The following PCDH15 variants were observed in gnomAD, a reference collection of about 807,000 sequenced individuals.
The protein encoded by PCDH15 is protocadherin-15.
Under a neutral mutation model 178.5 loss-of-function variants are expected in PCDH15, and 129 were observed. That is an observed-to-expected ratio of 0.72 (90% CI 0.63 to 0.84). The LOEUF (loss-of-function observed/expected upper bound fraction) is 0.84, where lower values mean the gene tolerates loss of function less well. Among genes scored for constraint, PCDH15 ranks in the 40% least tolerant of loss-of-function variants. The pLI, the probability that PCDH15 is intolerant of heterozygous loss-of-function variation, is 0.00. For missense variants in PCDH15, 2,230 were observed against 2,099.9 expected (o/e 1.06, Z -1.21); for synonymous variants, 800 against 732.0 (o/e 1.09, Z -1.50).
intron 1 of PCDH15, among the ~76,000 whole-genome samples, chr10:54,707,333 T>C (rs1285107918): frequency 6.6e-6 from 1 of 152,196 alleles, no homozygotes; most frequent in African/African-American, 2.4e-5. Flanking sequence ...ACCACTGTTC[T>C]TGCCCAGGTC....
At chr10:55,331,134 T>C (rs1483526276) in intron 2 of PCDH15, among the ~76,000 whole-genome samples, 1 of 151,966 alleles carries the variant, frequency 6.6e-6, no homozygotes, top group South Asian at 2.1e-4. Flanking sequence ...TCTTCATTTT[T>C]CTCATCTATA....
chr10:55,222,710 T>TACACACACACACACACAC (rs374141989), intron 1 of PCDH15, among the ~76,000 whole-genome samples: 32 of 42,136 alleles, frequency 7.6e-4, no homozygotes, highest in South Asian at 2.6e-3. Flanking sequence ...TATATCTTTA[T>TACACACACACACACACAC]ACACACACAC....
intron 3 of PCDH15, among the ~76,000 whole-genome samples, chr10:54,432,525 T>C (rs935022538): frequency 2.6e-5 from 4 of 152,094 alleles, no homozygotes; most frequent in African/African-American, 4.8e-5. Flanking sequence ...TGGATATCCA[T>C]ATGCAGAAGA....
chr10:54,394,150 T>C (rs1177520155), intron 3 of PCDH15, among the ~76,000 whole-genome samples: 2 of 152,090 alleles, frequency 1.3e-5, no homozygotes, highest in Non-Finnish European at 2.9e-5. Context: ...GTGTAGAAAC[T>C]CTTAAGGCTG....
intron 3 of PCDH15, among the ~76,000 whole-genome samples, chr10:54,827,995 C>A (rs17509374): frequency 0.12 from 17,626 of 151,976 alleles, 1,054 homozygotes; most frequent in Middle Eastern, 0.16. Context: ...ATGCTATATA[C>A]AAACACATAT....
At chr10:53,823,235 A>G in intron 32 of PCDH15, 1 of 1,614,088 alleles carries the variant, frequency 6.2e-7, no homozygotes, top group South Asian at 1.1e-5. Flanking sequence ...ATCCGTCTAC[A>G]TGAGCTGACT....
chr10:54,744,001 A>C (rs1945148484), intron 1 of PCDH15, among the ~76,000 whole-genome samples: 2 of 152,014 alleles, frequency 1.3e-5, no homozygotes, highest in African/African-American at 4.8e-5. Flanking sequence ...CTTGAGCTTA[A>C]TCACTTCCAA....
At chr10:55,213,629 T>C (rs1308155766) in intron 1 of PCDH15, among the ~76,000 whole-genome samples, 2 of 151,790 alleles carry the variant, frequency 1.3e-5, no homozygotes, top group African/African-American at 2.4e-5. Context: ...ATATATGTTA[T>C]ATTTATATTA....
At chr10:55,297,218 A>C (rs1250817400) in intron 1 of PCDH15, among the ~76,000 whole-genome samples, 5 of 152,102 alleles carry the variant, frequency 3.3e-5, no homozygotes, top group African/African-American at 7.2e-5. Context: ...GAGAGATTGG[A>C]AGTGATAAGC....
intron 25 of PCDH15, among the ~76,000 whole-genome samples, chr10:53,917,776 T>G (rs961761869): frequency 6.6e-6 from 1 of 152,092 alleles, no homozygotes; most frequent in African/African-American, 2.4e-5. Context: ...GTATTGGAGG[T>G]GGGGCCTGGT....
At chr10:54,137,176 TATAA>T (rs1379316842) in intron 14 of PCDH15, among the ~76,000 whole-genome samples, 1 of 152,172 alleles carries the variant, frequency 6.6e-6, no homozygotes, top group Non-Finnish European at 1.5e-5. Context: ...GCAGTCACTA[TATAA>T]ATAACACTTT....
intron 2 of PCDH15, among the ~76,000 whole-genome samples, chr10:54,641,582 CCACA>C (rs57194998): frequency 2.3e-4 from 34 of 148,760 alleles, no homozygotes; most frequent in Admixed American, 4.7e-4. Context: ...TATGCAAACA[CCACA>C]CACACACACA....
chr10:54,730,796 A>T (rs1943228933), intron 1 of PCDH15, among the ~76,000 whole-genome samples: 1 of 151,466 alleles, frequency 6.6e-6, no homozygotes, highest in South Asian at 2.1e-4. Flanking sequence ...AAACTATGAA[A>T]CTATTAGAAG....
intron 1 of PCDH15, among the ~76,000 whole-genome samples, chr10:54,784,751 C>G (rs527828034): frequency 6.6e-6 from 1 of 152,090 alleles, no homozygotes; most frequent in East Asian, 1.9e-4. Flanking sequence ...GGGAAAAAGG[C>G]AATATATATT....
chr10:55,507,307 G>C (rs1203825573), intron 2 of PCDH15, among the ~76,000 whole-genome samples: 1 of 151,402 alleles, frequency 6.6e-6, no homozygotes, highest in Non-Finnish European at 1.5e-5. Context: ...TGGGAGGTAA[G>C]TGGCTGTCAT....
intron 3 of PCDH15, among the ~76,000 whole-genome samples, chr10:54,502,270 A>G (rs1200421624): frequency 5.9e-5 from 9 of 152,152 alleles, no homozygotes; most frequent in African/African-American, 9.6e-5. Flanking sequence ...TGTTTAATAT[A>G]ATGCTTGGCA....
chr10:55,253,212 TAGAG>T lies in PCDH15; in HGVS notation c.-156+66383_-156+66386del, dbSNP rs75334428. On this transcript the variant is annotated intron_variant, in intron 1 of 5. Coordinates refer to the PCDH15 transcript ENST00000458638. ...GGAGAGAGTATAGGGCATGGAGAAA[TAGAG>T]AGAGAGTATGTGCGTGTGTGTGTGT... is the stretch of plus-strand genomic sequence containing the variant. 4.2e-3 allele frequency among the ~76,000 whole-genome samples: 615 copies of T among 146,408 alleles called. 6 individuals carry two copies. The highest frequency in any genetic ancestry group is 0.015 in the Admixed American group (209 of 14,208).
intron 37 of PCDH15, chr10:53,808,791 A>T (rs762938930): frequency 1.2e-6 from 2 of 1,611,924 alleles, no homozygotes. Flanking sequence ...AGCCCCATGG[A>T]CCTCCAGACT....
intron 2 of PCDH15, among the ~76,000 whole-genome samples, chr10:55,403,811 G>C (rs1176154204): frequency 1.3e-5 from 2 of 151,898 alleles, no homozygotes; most frequent in Non-Finnish European, 2.9e-5. Flanking sequence ...TGACGTTCAA[G>C]ATGATTTTTT....
Sources: allele counts gnomAD v4.1 joint callset (sites outside exome capture counted in the v4.1 genomes callset), GRCh38; gene constraint gnomAD v4.1.1; transcripts MANE v1.5; gene names NCBI Gene and HGNC (gene_info 2026-07-23, HGNC 2026-07-21).